Variants in XXYLT1 observed in about 807,000 individuals in gnomAD.
XXYLT1 encodes UDP-xylose:alpha-xyloside alpha-1,3-xylosyltransferase.
Under a neutral mutation model 28.9 loss-of-function variants are expected in XXYLT1, and 20 were observed. The observed-to-expected ratio is 0.69, with a 90% CI of 0.49 to 1.00. XXYLT1 has a LOEUF of 1.00. Ranked by LOEUF, XXYLT1 falls within the 50% of genes least tolerant of loss-of-function variation. XXYLT1 has a pLI of 0.00. For missense variants in XXYLT1, 542 were observed against 560.1 expected (o/e 0.97, Z 0.33); for synonymous variants, 257 against 253.8 (o/e 1.01, Z -0.12).
rs929056164 is a variant in XXYLT1, at chr3:195,180,668, C to G, written c.653-24087G>C. Reference sequence around the variant, plus strand: ...CACCCCGTGCCACTGCAAACGTGACCAGGAACATGGGTCTGACAGCTCTGG... The same window carrying G: ...CACCCCGTGCCACTGCAAACGTGACGAGGAACATGGGTCTGACAGCTCTGG... On this transcript the variant is annotated intron_variant, in intron 2 of 3. Coordinates refer to ENST00000310380, the MANE Select transcript of XXYLT1 (RefSeq NM_152531.5). The surrounding 1 kb of genome is among the most constrained non-coding windows in gnomAD (Gnocchi z 5.8). Among the ~76,000 whole-genome samples the G allele has an allele frequency of 1.3e-5, 2 of 152,122 alleles. No individual in the cohort carries two copies. Among genetic ancestry groups the G allele is most frequent in the African/African-American group, 2.4e-5 (1 of 41,426 alleles).
At chr3:195,182,386 A>G (rs1440992922) in intron 2 of XXYLT1, among the ~76,000 whole-genome samples, 3 of 152,236 alleles carry the variant, frequency 2.0e-5, no homozygotes, top group Admixed American at 1.3e-4. Flanking sequence ...ATCTACTGAA[A>G]GTAATCATAG....
Position 195,209,912 on chromosome 3 carries a change from G to A in XXYLT1, c.652+16797C>T, listed in dbSNP as rs1006937625. On this transcript the variant is annotated intron_variant, in intron 2 of 3. Coordinates refer to ENST00000310380, the MANE Select transcript of XXYLT1 (RefSeq NM_152531.5). This position sits in a 1 kb window ranked among gnomAD's most constrained non-coding sequence, Gnocchi z 5.0. ...ATCAGCAACTACACACAGGACTTGAGTACAGAAATGAGTCTTCTCCAGCCA... is the reference window on the plus strand; with the variant it reads ...ATCAGCAACTACACACAGGACTTGAATACAGAAATGAGTCTTCTCCAGCCA... 1 of 148,468 alleles carries A rather than the reference G, an allele frequency of 6.7e-6. No homozygotes were observed. The highest frequency in any genetic ancestry group is 1.5e-5 in the Non-Finnish European group (1 of 68,120). 9.2% of individuals were successfully genotyped at this position (148,468 alleles called of 1,614,324 possible).
At chr3:195,236,172 C>T (rs1019321967) in intron 1 of XXYLT1, among the ~76,000 whole-genome samples, 2 of 152,182 alleles carry the variant, frequency 1.3e-5, no homozygotes, top group Admixed American at 6.5e-5. Flanking sequence ...TTGTGTCCTT[C>T]CCTTAAGGGC....
At chr3:195,223,190 G>T (rs1193196535) in intron 2 of XXYLT1, among the ~76,000 whole-genome samples, 1 of 152,038 alleles carries the variant, frequency 6.6e-6, no homozygotes, top group African/African-American at 2.4e-5. Flanking sequence ...CCGAGGTTGT[G>T]CCACTGCACT....
chr3:195,169,383 T>C (rs1721284228), intron 2 of XXYLT1, among the ~76,000 whole-genome samples: 1 of 152,170 alleles, frequency 6.6e-6, no homozygotes, highest in Admixed American at 6.5e-5. Flanking sequence ...TCCATCCCAT[T>C]TGTCAAAACA....
chr3:195,138,220 C>T (rs772769731), intron 3 of XXYLT1, among the ~76,000 whole-genome samples: 4 of 152,176 alleles, frequency 2.6e-5, no homozygotes, highest in African/African-American at 7.2e-5. Flanking sequence ...CAGTTCCCTC[C>T]GCTTCATGCC....
intron 1 of XXYLT1, among the ~76,000 whole-genome samples, chr3:195,251,921 G>T (rs1725272450): frequency 6.6e-6 from 1 of 152,154 alleles, no homozygotes; most frequent in Non-Finnish European, 1.5e-5. Flanking sequence ...TGTTCGCCTG[G>T]GTGTTCACAG....
At position 195,124,728 on chromosome 3, in the gene XXYLT1, G is replaced by A. The variant is rs1718529063; in HGVS notation, c.785+31721C>T. ...AGTGTGGACCCCACATCAACCTCCA[G>A]TATCACAAGACTGCCCTCGCTGGCC... On this transcript the variant is annotated intron_variant, in intron 3 of 3. Transcript: ENST00000310380. The surrounding 1 kb of genome is among the most constrained non-coding windows in gnomAD (Gnocchi z 4.1). Among the ~76,000 whole-genome samples the A allele has an allele frequency of 2.0e-5, 3 of 152,152 alleles. No homozygotes were observed.
intron 2 of XXYLT1, among the ~76,000 whole-genome samples, chr3:195,216,796 T>TC (rs1165633201): frequency 7.1e-5 from 10 of 140,216 alleles, no homozygotes. Flanking sequence ...GAGGGAATCC[T>TC]CCCTAACTCA....
At chr3:195,239,378 G>T (rs553439609) in intron 1 of XXYLT1, among the ~76,000 whole-genome samples, 1 of 152,134 alleles carries the variant, frequency 6.6e-6, no homozygotes, top group East Asian at 1.9e-4. Flanking sequence ...TGAGAGGGAT[G>T]GGGGAGAGAA....
rs74749844 is a variant in XXYLT1, at chr3:195,133,832, T to C, written c.785+22617A>G. 0.017 allele frequency among the ~76,000 whole-genome samples: 2,548 copies of C among 152,342 alleles called. 73 individuals carry two copies. Among genetic ancestry groups the C allele is most frequent in the African/African-American group, 0.058 (2,404 of 41,564 alleles). On this transcript the variant is annotated intron_variant, in intron 3 of 3. Coordinates refer to ENST00000310380, the MANE Select transcript of XXYLT1 (RefSeq NM_152531.5). The surrounding 1 kb of genome is among the most constrained non-coding windows in gnomAD (Gnocchi z 4.4). ...TGCAGGCCTAGGCTGATGTATGTGT[T>C]TGGCTTGTTTTTAACAAAAAAGTTT...
chr3:195,254,708 G>C (rs182440149), intron 1 of XXYLT1, among the ~76,000 whole-genome samples: 2 of 152,254 alleles, frequency 1.3e-5, no homozygotes, highest in Non-Finnish European at 2.9e-5. Flanking sequence ...CAGCCACCAA[G>C]GGTGGGACAC....
intron 3 of XXYLT1, among the ~76,000 whole-genome samples, chr3:195,070,937 G>A (rs1285984211): frequency 6.6e-6 from 1 of 152,216 alleles, no homozygotes; most frequent in Non-Finnish European, 1.5e-5. Context: ...ATAGTTCAGG[G>A]AGTGTTAGCC....
intron 2 of XXYLT1, chr3:195,175,999 T>A: frequency 1.0e-6 from 1 of 981,490 alleles, no homozygotes. Flanking sequence ...AGTGTATACG[T>A]AGCAGCTTAA....
intron 2 of XXYLT1, among the ~76,000 whole-genome samples, chr3:195,219,336 C>T (rs913007365): frequency 6.6e-6 from 1 of 152,154 alleles, no homozygotes; most frequent in Non-Finnish European, 1.5e-5. Flanking sequence ...AGTAAAAGTA[C>T]AAAAAGTACA....
chr3:195,198,035 C>T (rs75274135), intron 2 of XXYLT1, among the ~76,000 whole-genome samples: 5,197 of 152,334 alleles, frequency 0.034, 154 homozygotes, highest in East Asian at 0.1. Flanking sequence ...TCCATGAAAT[C>T]GGACTAGCAG....
intron 3 of XXYLT1, among the ~76,000 whole-genome samples, chr3:195,108,494 C>T (rs1371424622): frequency 6.6e-6 from 1 of 151,954 alleles, no homozygotes; most frequent in African/African-American, 2.4e-5. Flanking sequence ...AAAAACAACA[C>T]ACATATACAG....
At chr3:195,169,687 A>G (rs994671829) in intron 2 of XXYLT1, among the ~76,000 whole-genome samples, 7 of 152,052 alleles carry the variant, frequency 4.6e-5, no homozygotes, top group Non-Finnish European at 8.8e-5. Flanking sequence ...TGTATTTTAA[A>G]TTTCTTCCCT....
chr3:195,070,006 C>T lies in XXYLT1; in HGVS notation c.891G>A (p.Leu297=). 2.5e-6 allele frequency: 4 copies of T among 1,605,950 alleles called. No homozygotes were observed. Among genetic ancestry groups the T allele is most frequent in the Non-Finnish European group, 3.4e-6 (4 of 1,179,780 alleles). The change falls in exon 4 of 4, where the codon CTG becomes CTA. Residue 297 remains leucine (L), a synonymous_variant. Transcript: ENST00000310380. The part of the protein sequence containing the change: ...GFNSGVMLLN[L]EAMRQSPLYS... Reference sequence around the variant, plus strand: ...AGAGCGGGGACTGGCGCATGGCCTCCAGGTTCAGCAACATCACCCCGCTGT... The same window carrying T: ...AGAGCGGGGACTGGCGCATGGCCTCTAGGTTCAGCAACATCACCCCGCTGT...
Sources: allele counts gnomAD v4.1 joint callset (sites outside exome capture counted in the v4.1 genomes callset), GRCh38; gene constraint gnomAD v4.1.1; non-coding constraint Gnocchi (gnomAD v3.1); transcripts MANE v1.5; gene names NCBI Gene and HGNC (gene_info 2026-07-23, HGNC 2026-07-21).